Variants in AUTS2 observed in about 807,000 individuals in gnomAD.
AUTS2 encodes autism susceptibility gene 2 protein.
Under a neutral mutation model 112.4 loss-of-function variants are expected in AUTS2, and 17 were observed. The observed-to-expected ratio is 0.15, with a 90% CI of 0.10 to 0.23. AUTS2 has a LOEUF of 0.23. Among genes scored for constraint, AUTS2 ranks in the 10% least tolerant of loss-of-function variants. The pLI is 1.00. For synonymous variants in AUTS2, 751 were observed against 702.7 expected (o/e 1.07, Z -1.09); for missense variants, 1,510 against 1,701.6 (o/e 0.89, Z 1.98).
At chr7:70,098,724 CAG>C (rs1804329584) in intron 2 of AUTS2, among the ~76,000 whole-genome samples, 1 of 146,474 alleles carries the variant, frequency 6.8e-6, no homozygotes, top group African/African-American at 2.5e-5. Flanking sequence ...TTTTTTGAGA[CAG>C]AGTTTTGCTC....
chr7:70,261,797 C>T (rs1216223532), intron 4 of AUTS2, among the ~76,000 whole-genome samples: 1 of 152,266 alleles, frequency 6.6e-6, no homozygotes, highest in East Asian at 1.9e-4. Flanking sequence ...AGATAATACA[C>T]TATAGGGAGT....
intron 1 of AUTS2, among the ~76,000 whole-genome samples, chr7:69,651,543 A>G (rs1007732234): frequency 3.9e-5 from 6 of 152,188 alleles, no homozygotes; most frequent in Non-Finnish European, 8.8e-5. Context: ...CTATACTTAA[A>G]AGGACTGACT....
intron 5 of AUTS2, among the ~76,000 whole-genome samples, chr7:70,684,837 T>C (rs1311263880): frequency 6.6e-6 from 1 of 152,184 alleles, no homozygotes; most frequent in East Asian, 1.9e-4. Flanking sequence ...AAACTCTCCG[T>C]TACTCTCTTT....
chr7:70,273,358 T>C (rs1310766247), intron 4 of AUTS2, among the ~76,000 whole-genome samples: 1 of 152,204 alleles, frequency 6.6e-6, no homozygotes, highest in African/African-American at 2.4e-5. Context: ...TAAAGCTCTT[T>C]TTTGTGATTT....
At chr7:70,359,390 A>G (rs1383302267) in intron 4 of AUTS2, among the ~76,000 whole-genome samples, 8 of 152,238 alleles carry the variant, frequency 5.3e-5, no homozygotes, top group Admixed American at 4.6e-4. Context: ...TTGCCATAAC[A>G]GAATACCTGA....
At chr7:69,996,825 G>C (rs1274157487) in intron 2 of AUTS2, among the ~76,000 whole-genome samples, 1 of 151,408 alleles carries the variant, frequency 6.6e-6, no homozygotes, top group Non-Finnish European at 1.5e-5. Flanking sequence ...CTCATAAACT[G>C]TATGTTTACA....
At chr7:70,185,549 A>G (rs1332279852) in intron 4 of AUTS2, among the ~76,000 whole-genome samples, 1 of 152,164 alleles carries the variant, frequency 6.6e-6, no homozygotes, top group African/African-American at 2.4e-5. Context: ...GGTTGAATAC[A>G]TTTATTTAAT....
intron 5 of AUTS2, among the ~76,000 whole-genome samples, chr7:70,505,109 G>A (rs547598015): frequency 1.8e-4 from 27 of 152,306 alleles, no homozygotes; most frequent in African/African-American, 5.1e-4. Flanking sequence ...TGGTGGTTTC[G>A]CAGAGCCTGG....
At chr7:69,896,808 A>C (rs1370885249) in intron 1 of AUTS2, among the ~76,000 whole-genome samples, 2 of 152,196 alleles carry the variant, frequency 1.3e-5, no homozygotes, top group Non-Finnish European at 2.9e-5. Flanking sequence ...TTATGCACCC[A>C]GCTGCCTCAA....
At chr7:70,685,819 C>T (rs1167469081) in intron 5 of AUTS2, among the ~76,000 whole-genome samples, 1 of 152,234 alleles carries the variant, frequency 6.6e-6, no homozygotes, top group East Asian at 1.9e-4. Context: ...CCGTTTCCCA[C>T]AGTGGTTGTT....
rs77555613 is a variant in AUTS2, at chr7:70,679,166, A to T, written c.691-19403A>T. Among the ~76,000 whole-genome samples, 119 of 152,346 alleles carry T rather than the reference A, an allele frequency of 7.8e-4. 1 individual carries two copies. In the East Asian group the frequency reaches 0.022, roughly 28 times the overall value. On this transcript the variant is annotated intron_variant, in intron 5 of 18. Transcript: ENST00000342771. Reference sequence around the variant, plus strand: ...TTGGGTGTTATTCTCACCATCTATCATTATTTTTTCCTGTTAGAAATTTTT... The same window carrying T: ...TTGGGTGTTATTCTCACCATCTATCTTTATTTTTTCCTGTTAGAAATTTTT...
chr7:70,613,385 G>A (rs1001515509), intron 5 of AUTS2, among the ~76,000 whole-genome samples: 1 of 151,950 alleles, frequency 6.6e-6, no homozygotes, highest in Non-Finnish European at 1.5e-5. Context: ...TTAGATTTTC[G>A]GAGTGTCATA....
At chr7:70,773,040 C>G (rs191448830) in intron 11 of AUTS2, among the ~76,000 whole-genome samples, 2 of 152,368 alleles carry the variant, frequency 1.3e-5, no homozygotes, top group East Asian at 3.9e-4. Context: ...TCCAGGCCAT[C>G]GTCCTGATTG....
intron 4 of AUTS2, among the ~76,000 whole-genome samples, chr7:70,195,997 G>A (rs1211183344): frequency 6.6e-6 from 1 of 152,176 alleles, no homozygotes; most frequent in East Asian, 1.9e-4. Flanking sequence ...TGATGTTGCT[G>A]TGCCCATAAG....
At chr7:70,025,042 C>T (rs1034488837) in intron 2 of AUTS2, among the ~76,000 whole-genome samples, 1 of 152,178 alleles carries the variant, frequency 6.6e-6, no homozygotes, top group African/African-American at 2.4e-5. Flanking sequence ...GTTTCTGTCT[C>T]TCATCTCACA....
chr7:70,264,967 CTGA>C (rs1437005967), intron 4 of AUTS2, among the ~76,000 whole-genome samples: 1 of 152,192 alleles, frequency 6.6e-6, no homozygotes, highest in African/African-American at 2.4e-5. Flanking sequence ...TCTCAATACT[CTGA>C]TAAGATGTGG....
intron 5 of AUTS2, chr7:70,596,723 C>T (rs1803231531): frequency 6.6e-6 from 1 of 152,332 alleles, no homozygotes; most frequent in Admixed American, 6.5e-5. Flanking sequence ...GCAGCCAACC[C>T]TGGGGCACAC....
At chr7:70,171,476 A>G (rs1808683574) in intron 4 of AUTS2, among the ~76,000 whole-genome samples, 1 of 152,206 alleles carries the variant, frequency 6.6e-6, no homozygotes, top group Non-Finnish European at 1.5e-5. Flanking sequence ...TTCACCAGCA[A>G]AATGATTATG....
At chr7:70,624,951 C>A (rs1273715956) in intron 5 of AUTS2, among the ~76,000 whole-genome samples, 2 of 152,114 alleles carry the variant, frequency 1.3e-5, no homozygotes, top group East Asian at 3.9e-4. Context: ...GAGGCGAATC[C>A]TGAGCTCTCC....
Sources: gnomAD v4.1 joint callset for allele counts (sites outside exome capture counted in the v4.1 genomes callset) on GRCh38, gnomAD v4.1.1 for gene constraint, MANE v1.5 for transcripts, NCBI Gene and HGNC (gene_info 2026-07-23, HGNC 2026-07-21) for gene names.